The following CNNM2 variants were observed in gnomAD, a reference collection of about 807,000 sequenced individuals.
CNNM2 encodes metal transporter CNNM2.
A neutral mutation model predicts 66.9 loss-of-function variants in CNNM2; 12 were observed. That is an observed-to-expected ratio of 0.18 (90% CI 0.11 to 0.29). The LOEUF (loss-of-function observed/expected upper bound fraction) is 0.29. CNNM2 is among the 10% of genes least tolerant of loss of function. CNNM2 has a pLI of 1.00. For synonymous variants in CNNM2, 557 were observed against 501.8 expected (o/e 1.11, Z -1.47); for missense variants, 705 against 1,167.7 (o/e 0.60, Z 5.77).
At chr10:103,071,992 G>A (rs986842909) in intron 6 of CNNM2, among the ~76,000 whole-genome samples, 153 bp downstream of exon 6, 2 of 152,052 alleles carry the variant, frequency 1.3e-5, no homozygotes, top group Non-Finnish European at 2.9e-5. Context: ...ACTTTATAGC[G>A]AGCTCTCCAG....
chr10:103,049,559 G>T (rs1228924770), intron 1 of CNNM2, 148 bp from the exon 2 acceptor site: 1 of 747,012 alleles, frequency 1.3e-6, no homozygotes, highest in African/African-American at 1.8e-5. Context: ...CCATTTGTTT[G>T]TGATGTCTCA....
Position 103,059,134 on chromosome 10 carries a change from C to T in CNNM2, c.2073+2170C>T, listed in dbSNP as rs183099219. 3.1e-4 allele frequency among the ~76,000 whole-genome samples: 47 copies of T among 152,160 alleles called. No homozygotes were observed. The South Asian group carries it at 3.9e-3, about 13-fold the overall frequency. On this transcript the variant is annotated intron_variant, in intron 4 of 7. Transcript: ENST00000369878. ...GACTACAGGCGTGCTCCACCACACC[C>T]GGCTAATTTTTGTATTTTCAGTCGA...
intron 1 of CNNM2, among the ~76,000 whole-genome samples, chr10:102,998,514 C>T (rs913299176): frequency 1.6e-4 from 25 of 152,242 alleles, no homozygotes; most frequent in Admixed American, 5.2e-4. Context: ...AAAACACAGG[C>T]TTGTCTCTGG....
chr10:102,998,461 C>T lies in CNNM2; in HGVS notation c.1622-51246C>T, dbSNP rs560100384. Reference sequence around the variant, plus strand: ...TGAGTATTTTGTTACAGATCCTTCACGTATATATGCGAACTTAAAGTAAAC... The same window carrying T: ...TGAGTATTTTGTTACAGATCCTTCATGTATATATGCGAACTTAAAGTAAAC... On this transcript the variant is annotated intron_variant, in intron 1 of 7. Coordinates refer to ENST00000369878, the MANE Select transcript of CNNM2 (RefSeq NM_017649.5). Among the ~76,000 whole-genome samples, 4 of 152,228 alleles carry T rather than the reference C, an allele frequency of 2.6e-5. No individual in the cohort carries two copies. The South Asian group carries it at 6.2e-4, about 24-fold the overall frequency.
At chr10:103,025,045 A>G (rs1278022754) in intron 1 of CNNM2, among the ~76,000 whole-genome samples, 1 of 152,168 alleles carries the variant, frequency 6.6e-6, no homozygotes, top group Non-Finnish European at 1.5e-5. Context: ...AAATTTGATC[A>G]CTTGATTAAG....
intron 1 of CNNM2, chr10:102,927,421 C>T (rs372559274): frequency 1.2e-6 from 2 of 1,612,824 alleles, no homozygotes; most frequent in East Asian, 2.2e-5. Flanking sequence ...CTTTCAACAT[C>T]ACAGACATTG....
chr10:102,942,405 G>T (rs1390416830), intron 1 of CNNM2, among the ~76,000 whole-genome samples: 1 of 152,090 alleles, frequency 6.6e-6, no homozygotes, highest in African/African-American at 2.4e-5. Context: ...CATATAAATG[G>T]AATTATATGG....
At chr10:103,025,698 T>C (rs2134292856) in intron 1 of CNNM2, among the ~76,000 whole-genome samples, 1 of 152,336 alleles carries the variant, frequency 6.6e-6, no homozygotes, top group African/African-American at 2.4e-5. Context: ...TCTCTAAATC[T>C]GAGTTTTCAC....
At chr10:102,938,067 G>A (rs1846304115) in intron 1 of CNNM2, among the ~76,000 whole-genome samples, 1 of 151,864 alleles carries the variant, frequency 6.6e-6, no homozygotes. Context: ...GGGAGGCCCA[G>A]TTGGGAGGAT....
chr10:102,983,782 T>G (rs2063754197), intron 1 of CNNM2, among the ~76,000 whole-genome samples: 1 of 151,846 alleles, frequency 6.6e-6, no homozygotes, highest in Non-Finnish European at 1.5e-5. Flanking sequence ...ATTTTTTTTT[T>G]TTTGACAGAG....
rs145203181 is a variant in CNNM2, at chr10:103,010,599, A to G, written c.1622-39108A>G. 1.9e-3 allele frequency among the ~76,000 whole-genome samples: 284 copies of G among 152,150 alleles called. 8 individuals are homozygous for G. Among genetic ancestry groups the G allele is most frequent in the Admixed American group, 0.013 (203 of 15,262 alleles). ...GATAAACACTGAAATGTTAAAGGGT[A>G]GTGGGATTTAACATGATTTTTATTT... On this transcript the variant is annotated intron_variant, in intron 1 of 7. Transcript: ENST00000369878.
intron 1 of CNNM2, among the ~76,000 whole-genome samples, chr10:102,996,155 A>G (rs2063998454): frequency 6.6e-6 from 1 of 151,450 alleles, no homozygotes; most frequent in Non-Finnish European, 1.5e-5. Flanking sequence ...AATTTATATT[A>G]TGTCTTTCTT....
chr10:103,022,073 C>T (rs995110920), intron 1 of CNNM2, among the ~76,000 whole-genome samples: 3 of 152,138 alleles, frequency 2.0e-5, no homozygotes, highest in Admixed American at 1.3e-4. Context: ...GGAATTTCAT[C>T]ATGGGACTGA....
chr10:102,970,944 A>T (rs1340760834), intron 1 of CNNM2, among the ~76,000 whole-genome samples: 1 of 151,616 alleles, frequency 6.6e-6, no homozygotes, highest in Non-Finnish European at 1.5e-5. Context: ...TAATCCCAAC[A>T]CTTTGGGAGG....
chr10:103,046,322 A>G (rs2065126268), intron 1 of CNNM2, among the ~76,000 whole-genome samples: 1 of 152,164 alleles, frequency 6.6e-6, no homozygotes, highest in South Asian at 2.1e-4. Flanking sequence ...TCCATCCCCC[A>G]AAGCAGCAGT....
intron 1 of CNNM2, among the ~76,000 whole-genome samples, chr10:103,003,426 C>G (rs1381157009): frequency 1.3e-5 from 2 of 152,120 alleles, no homozygotes; most frequent in Admixed American, 1.3e-4. Flanking sequence ...CCTTCTAGTA[C>G]TTTTTTAAGT....
intron 1 of CNNM2, among the ~76,000 whole-genome samples, chr10:103,039,883 G>C (rs1384981014): frequency 6.6e-6 from 1 of 152,130 alleles, no homozygotes; most frequent in Non-Finnish European, 1.5e-5. Flanking sequence ...AAAGAGATGT[G>C]GCCAGATGGC....
chr10:103,066,316 C>T, intron 4 of CNNM2, among the ~76,000 whole-genome samples: 1 of 152,200 alleles, frequency 6.6e-6, no homozygotes, highest in East Asian at 1.9e-4. Flanking sequence ...TTCTTTCTCC[C>T]ACTCGTGGTG....
At chr10:102,997,371 G>T (rs1373634698) in intron 1 of CNNM2, among the ~76,000 whole-genome samples, 1 of 152,108 alleles carries the variant, frequency 6.6e-6, no homozygotes, top group African/African-American at 2.4e-5. Flanking sequence ...CTTGCTGTTC[G>T]GGCCATTGAT....
Sources: gnomAD v4.1 joint callset for allele counts (sites outside exome capture counted in the v4.1 genomes callset) on GRCh38, gnomAD v4.1.1 for gene constraint, MANE v1.5 for transcripts, NCBI Gene and HGNC (gene_info 2026-07-23, HGNC 2026-07-21) for gene names.